Variants in DAB1 observed in about 807,000 individuals in gnomAD.
The protein encoded by DAB1 is disabled homolog 1.
Under a neutral mutation model 64.6 loss-of-function variants are expected in DAB1, and 15 were observed. The observed-to-expected ratio is 0.23, with a 90% confidence interval of 0.16 to 0.36. The LOEUF (loss-of-function observed/expected upper bound fraction) is 0.36, where lower values mean the gene tolerates loss of function less well. DAB1 is among the 10% of genes least tolerant of loss of function. The pLI, the probability that DAB1 is intolerant of heterozygous loss-of-function variation, is 1.00. For synonymous variants in DAB1, 235 were observed against 251.9 expected, an observed-to-expected ratio of 0.93 and a Z score of 0.64; for missense variants, 596 against 706.7, an observed-to-expected ratio of 0.84 and a Z score of 1.78.
At chr1:57,545,687 C>A (rs1196430941) in intron 7 of DAB1, among the ~76,000 whole-genome samples, 1 of 152,150 alleles carries the variant, frequency 6.6e-6, no homozygotes, top group Non-Finnish European at 1.5e-5. Flanking sequence ...TCCTTCCAAT[C>A]AAAATTCATA....
At chr1:57,894,421 A>G (rs1644364356) in intron 5 of DAB1, among the ~76,000 whole-genome samples, 1 of 152,192 alleles carries the variant, frequency 6.6e-6, no homozygotes, top group Non-Finnish European at 1.5e-5. Context: ...GGCCTCTTTA[A>G]GGAAGTGACA....
At chr1:57,258,377 C>A (rs1459810432) in intron 2 of DAB1, among the ~76,000 whole-genome samples, 1 of 152,098 alleles carries the variant, frequency 6.6e-6, no homozygotes, top group Non-Finnish European at 1.5e-5. Context: ...CCTGATCAAT[C>A]ATCATCCTCC....
At chr1:57,105,284 T>A (rs1655038278) in intron 4 of DAB1, among the ~76,000 whole-genome samples, 1 of 151,970 alleles carries the variant, frequency 6.6e-6, no homozygotes. Context: ...TGTGAATTAA[T>A]TGGACCCTGG....
At chr1:57,935,511 G>A (rs919304413) in intron 5 of DAB1, among the ~76,000 whole-genome samples, 8 of 152,070 alleles carry the variant, frequency 5.3e-5, no homozygotes, top group Non-Finnish European at 4.4e-5. Flanking sequence ...AAATGTCTGC[G>A]GGTCAGTGTT....
intron 3 of DAB1, among the ~76,000 whole-genome samples, chr1:57,144,803 CAA>C (rs1444387793): frequency 5.9e-5 from 9 of 151,938 alleles, no homozygotes; most frequent in Non-Finnish European, 1.0e-4. Context: ...CCCCAAATCC[CAA>C]AATATAATTA....
intron 6 of DAB1, among the ~76,000 whole-genome samples, chr1:57,682,078 C>T (rs1040204769): frequency 2.6e-5 from 4 of 151,692 alleles, no homozygotes; most frequent in African/African-American, 9.7e-5. Flanking sequence ...CTGAGGAACA[C>T]CAGCAACAAT....
intron 4 of DAB1, among the ~76,000 whole-genome samples, chr1:58,240,947 T>C (rs1053984420): frequency 6.6e-6 from 1 of 152,142 alleles, no homozygotes; most frequent in Non-Finnish European, 1.5e-5. Flanking sequence ...TACCAAGACA[T>C]GATAACACAA....
chr1:58,341,036 T>C (rs945296405), intron 4 of DAB1, among the ~76,000 whole-genome samples: 1 of 151,788 alleles, frequency 6.6e-6, no homozygotes, highest in Non-Finnish European at 1.5e-5. Context: ...TTTCTATCCA[T>C]ACATTCTGGG....
chr1:58,274,591 G>A (rs1054619491), intron 4 of DAB1, among the ~76,000 whole-genome samples: 2 of 150,212 alleles, frequency 1.3e-5, no homozygotes, highest in Admixed American at 6.6e-5. Flanking sequence ...AATGGCGGGC[G>A]CCCCTCCCCC....
intron 2 of DAB1, among the ~76,000 whole-genome samples, chr1:57,277,820 T>A (rs912373839): frequency 2.3e-4 from 35 of 152,186 alleles, no homozygotes; most frequent in Non-Finnish European, 3.2e-4. Context: ...CTGAAATACA[T>A]GATAAGATTC....
At chr1:57,441,516 G>A (rs764924849) in intron 7 of DAB1, among the ~76,000 whole-genome samples, 2 of 151,668 alleles carry the variant, frequency 1.3e-5, no homozygotes, top group Non-Finnish European at 2.9e-5. Context: ...CACCACACCT[G>A]CCTAATTTTT....
chr1:58,325,578 A>G lies in DAB1; in HGVS notation n.309+17774T>C, dbSNP rs541609796. Among the ~76,000 whole-genome samples, 3 of 152,346 alleles carry G rather than the reference A, an allele frequency of 2.0e-5. No homozygotes were observed. In the South Asian group the frequency reaches 6.2e-4, roughly 32 times the overall value. On this transcript the variant is annotated intron_variant and non_coding_transcript_variant, in intron 4 of 20. Transcript: ENST00000485760. ...AGCTTTGATCTGCCCATTTCTATTT[A>G]TAAGACTTGAGGAAATTTCTTAACT...
intron 6 of DAB1, among the ~76,000 whole-genome samples, chr1:57,736,894 A>G (rs971940248): frequency 3.3e-5 from 5 of 152,322 alleles, no homozygotes; most frequent in African/African-American, 9.6e-5. Context: ...GGTTCATTCA[A>G]ACTGAGAGTA....
At chr1:57,799,999 G>A (rs936209508) in intron 6 of DAB1, among the ~76,000 whole-genome samples, 1 of 152,158 alleles carries the variant, frequency 6.6e-6, no homozygotes, top group African/African-American at 2.4e-5. Context: ...TAATGGACAG[G>A]AGCCAGATTA....
At chr1:57,830,895 A>T (rs1284916972) in intron 1 of DAB1, among the ~76,000 whole-genome samples, 1 of 152,056 alleles carries the variant, frequency 6.6e-6, no homozygotes, top group African/African-American at 2.4e-5. Context: ...CATCAGACAA[A>T]TGTTGCTTAT....
chr1:58,193,848 CTCTG>C (rs1657523719), intron 4 of DAB1, among the ~76,000 whole-genome samples: 1 of 151,284 alleles, frequency 6.6e-6, no homozygotes, highest in Non-Finnish European at 1.5e-5. Context: ...AAAAGCAAAA[CTCTG>C]TCTAAAAAAA....
chr1:57,984,184 A>AAAAAGAAAG lies in DAB1; in HGVS notation n.388-100023_388-100022insCTTTCTTTT, dbSNP rs1276859040. On this transcript the variant is annotated intron_variant and non_coding_transcript_variant, in intron 5 of 20. Transcript: ENST00000485760. The stretch of plus-strand genomic sequence containing the variant: ...TTCAGGGCCCAGGACTAGCTTAAAA[A>AAAAAGAAAG]AAAGAAAGAAAGAAAGAAAGAAAGA... Among the ~76,000 whole-genome samples, 38 of 50,720 alleles carry AAAAAGAAAG rather than the reference A, an allele frequency of 7.5e-4. 5 individuals carry two copies. In the South Asian group the frequency reaches 8.6e-3, roughly 12 times the overall value. The allele number at this position is 50,720 out of a possible 152,430, so 33.3% of individuals were successfully genotyped here.
intron 4 of DAB1, among the ~76,000 whole-genome samples, chr1:58,156,122 A>G (rs927327336): frequency 2.0e-5 from 3 of 152,258 alleles, no homozygotes; most frequent in Admixed American, 1.3e-4. Flanking sequence ...AGATTTTTGC[A>G]TAATACTAAC....
chr1:58,076,922 C>T (rs766102469), intron 5 of DAB1, among the ~76,000 whole-genome samples: 24 of 152,060 alleles, frequency 1.6e-4, no homozygotes, highest in Non-Finnish European at 3.2e-4. Context: ...CTTCCTGGGT[C>T]ATCTTCATCT....
Sources: allele counts gnomAD v4.1 joint callset (sites outside exome capture counted in the v4.1 genomes callset), GRCh38; gene constraint gnomAD v4.1.1; transcripts MANE v1.5; gene names NCBI Gene and HGNC (gene_info 2026-07-23, HGNC 2026-07-21).